Variants in CDKAL1 observed in about 807,000 individuals in gnomAD.
CDKAL1 encodes the protein threonylcarbamoyladenosine tRNA methylthiotransferase.
A neutral mutation model predicts 68.2 loss-of-function variants in CDKAL1; 32 were observed. The ratio of observed to expected loss-of-function variants is 0.47; its 90% CI spans 0.35 to 0.63. The LOEUF is 0.63. Ranked by LOEUF, CDKAL1 falls within the 30% of genes least tolerant of loss-of-function variation. The pLI is 0.00. For synonymous variants in CDKAL1, 234 were observed against 244.3 expected, an observed-to-expected ratio of 0.96 and a Z score of 0.39; for missense variants, 606 against 696.7, an observed-to-expected ratio of 0.87 and a Z score of 1.47.
Position 21,213,828 on chromosome 6 carries a change from G to A in CDKAL1, c.1548+12554G>A, listed in dbSNP as rs149331381. Among the ~76,000 whole-genome samples, 267 of 152,196 alleles carry A rather than the reference G, an allele frequency of 1.8e-3. 5 individuals carry two copies. Among genetic ancestry groups the A allele is most frequent in the African/African-American group, 6.2e-3 (257 of 41,516 alleles). ...TGCTCCATATGACTCAGAGCATTCCGTATATAGCCAACAGAAGGGAAACCA... is the reference window on the plus strand; with the variant it reads ...TGCTCCATATGACTCAGAGCATTCCATATATAGCCAACAGAAGGGAAACCA... On this transcript the variant is annotated intron_variant, in intron 15 of 15. Transcript: ENST00000274695.
chr6:20,736,088 C>T (rs1773179373), intron 5 of CDKAL1, among the ~76,000 whole-genome samples: 1 of 152,062 alleles, frequency 6.6e-6, no homozygotes, highest in South Asian at 2.1e-4. Flanking sequence ...ACCTTCTATC[C>T]CAGTGCTCAG....
intron 13 of CDKAL1, among the ~76,000 whole-genome samples, chr6:21,111,448 C>G (rs1254417794): frequency 1.3e-5 from 2 of 152,162 alleles, no homozygotes; most frequent in African/African-American, 4.8e-5. Context: ...CCATTTTGTT[C>G]TCAGTGAGTC....
chr6:21,113,455 T>C (rs1774223321), intron 13 of CDKAL1, among the ~76,000 whole-genome samples: 1 of 151,956 alleles, frequency 6.6e-6, no homozygotes. Context: ...GAGACCAGCC[T>C]GGGCACATAG....
intron 8 of CDKAL1, among the ~76,000 whole-genome samples, chr6:20,845,516 A>G (rs934745131): frequency 6.6e-6 from 1 of 152,058 alleles, no homozygotes; most frequent in Non-Finnish European, 1.5e-5. Flanking sequence ...AGAATTATTC[A>G]TTGAACATGC....
chr6:21,016,763 C>G (rs1768363429), intron 11 of CDKAL1, among the ~76,000 whole-genome samples: 1 of 152,124 alleles, frequency 6.6e-6, no homozygotes, highest in African/African-American at 2.4e-5. Flanking sequence ...CCAATCTACT[C>G]TGGCACCAGG....
chr6:21,058,249 C>G (rs1770944512), intron 11 of CDKAL1, among the ~76,000 whole-genome samples: 2 of 152,158 alleles, frequency 1.3e-5, no homozygotes, highest in South Asian at 4.1e-4. Flanking sequence ...TTGAATTGAT[C>G]CCTTTACCAT....
chr6:21,123,477 A>C (rs1774831005), intron 13 of CDKAL1, among the ~76,000 whole-genome samples: 1 of 152,180 alleles, frequency 6.6e-6, no homozygotes, highest in South Asian at 2.1e-4. Flanking sequence ...AAACAAAAAA[A>C]CAGGAAAACT....
chr6:20,983,646 G>T (rs1156925388), intron 10 of CDKAL1, among the ~76,000 whole-genome samples: 2 of 152,180 alleles, frequency 1.3e-5, no homozygotes, highest in South Asian at 2.1e-4. Flanking sequence ...GCTTGAACCC[G>T]AGGGGCTGAG....
At chr6:20,997,138 T>C (rs449233) in intron 10 of CDKAL1, among the ~76,000 whole-genome samples, 148,886 of 152,338 alleles carry the variant, frequency 0.98, 72,762 homozygotes, top group East Asian at 1. Flanking sequence ...AAATATAATT[T>C]CTGGCCTTGT....
chr6:20,724,690 C>A (rs932205431), intron 5 of CDKAL1, among the ~76,000 whole-genome samples: 1 of 152,138 alleles, frequency 6.6e-6, no homozygotes, highest in Non-Finnish European at 1.5e-5. Context: ...AACAGTGAGA[C>A]CCTGCCTCAA....
In CDKAL1 at chr6:20,928,079, C is replaced by T. The variant is rs185355678; in HGVS notation, c.743-27340C>T. 1.2e-4 allele frequency among the ~76,000 whole-genome samples: 19 copies of T among 152,212 alleles called. 3 individuals carry two copies. In the East Asian group the frequency reaches 2.5e-3, roughly 20 times the overall value. On this transcript the variant is annotated intron_variant, in intron 9 of 15. Coordinates refer to ENST00000274695, the MANE Select transcript of CDKAL1 (RefSeq NM_017774.3). ...CTATTTCATTAATGTTTGGTGAGAG[C>T]TCTGATAGTTTCAGGCCAGGGAAAC...
chr6:20,642,899 A>AAACAACAACAACAAC (rs79933332), intron 4 of CDKAL1, among the ~76,000 whole-genome samples: 1 of 150,430 alleles, frequency 6.6e-6, no homozygotes, highest in African/African-American at 2.5e-5. Flanking sequence ...ACTTTGTCTC[A>AAACAACAACAACAAC]AACAACAACA....
chr6:20,977,041 CAT>C (rs1765878277), intron 10 of CDKAL1, among the ~76,000 whole-genome samples: 1 of 152,088 alleles, frequency 6.6e-6, no homozygotes. Context: ...TCAGAGTGGG[CAT>C]ATGTTTGGCT....
intron 5 of CDKAL1, among the ~76,000 whole-genome samples, chr6:20,702,242 G>A (rs954579357): frequency 6.6e-6 from 1 of 152,170 alleles, no homozygotes; most frequent in Non-Finnish European, 1.5e-5. Flanking sequence ...AGGTCGTGGG[G>A]CTCTGACCCC....
intron 5 of CDKAL1, among the ~76,000 whole-genome samples, chr6:20,654,163 G>A (rs781261883): frequency 6.6e-6 from 1 of 152,336 alleles, no homozygotes; most frequent in Middle Eastern, 3.4e-3. Context: ...GATTACAGGC[G>A]TGAGCCACTG....
At chr6:21,073,871 T>C (rs2150947369) in intron 12 of CDKAL1, among the ~76,000 whole-genome samples, 1 of 152,312 alleles carries the variant, frequency 6.6e-6, no homozygotes, top group South Asian at 2.1e-4. Context: ...ATTTAGCACT[T>C]GGAAATTTTT....
At chr6:20,933,672 G>A (rs1203516424) in intron 9 of CDKAL1, among the ~76,000 whole-genome samples, 1 of 152,186 alleles carries the variant, frequency 6.6e-6, no homozygotes, top group Non-Finnish European at 1.5e-5. Flanking sequence ...TCTAATCACA[G>A]ATTGCTTTCT....
chr6:20,623,583 A>G (rs908937257), intron 4 of CDKAL1, among the ~76,000 whole-genome samples: 2 of 152,250 alleles, frequency 1.3e-5, no homozygotes, highest in African/African-American at 4.8e-5. Context: ...GATTTTAAAA[A>G]TATTTATGCA....
At chr6:21,042,446 G>A (rs1400573752) in intron 11 of CDKAL1, among the ~76,000 whole-genome samples, 2 of 151,992 alleles carry the variant, frequency 1.3e-5, no homozygotes, top group Non-Finnish European at 2.9e-5. Context: ...CGTGGCACTG[G>A]GTACTCTGGT....
Sources: allele counts gnomAD v4.1 joint callset (sites outside exome capture counted in the v4.1 genomes callset), GRCh38; gene constraint gnomAD v4.1.1; transcripts MANE v1.5; gene names NCBI Gene and HGNC (gene_info 2026-07-23, HGNC 2026-07-21).